RABL2A: variants seen among roughly 807,000 people sequenced by gnomAD.
RABL2A encodes RAB, member of RAS oncogene family like 2A, also known as rab-like protein 2A.
In RABL2A, 17 loss-of-function variants were observed where a neutral mutation model predicts 30.7. The ratio of observed to expected loss-of-function variants is 0.55; its 90% confidence interval spans 0.38 to 0.83. RABL2A has a LOEUF of 0.83. RABL2A is among the 40% of genes least tolerant of loss of function. The pLI, the probability that RABL2A is intolerant of heterozygous loss-of-function variation, is 0.00. For synonymous variants in RABL2A, 64 were observed against 101.8 expected, an observed-to-expected ratio of 0.63 and a Z score of 2.24; for missense variants, 155 against 272.6, an observed-to-expected ratio of 0.57 and a Z score of 3.04.
intron 2 of RABL2A, among the ~76,000 whole-genome samples, chr2:113,630,387 A>T (rs529255905): frequency 5.9e-5 from 9 of 152,204 alleles, no homozygotes; most frequent in Non-Finnish European, 1.2e-4. Context: ...GGGCTAAAAC[A>T]CCCATTAAGA....
At chr2:113,640,289 C>G (rs1378336243) in intron 5 of RABL2A, 2 of 153,520 alleles carry the variant, frequency 1.3e-5, no homozygotes, top group African/African-American at 4.8e-5. Flanking sequence ...TTCTAACAGA[C>G]TGCATCAATT....
chr2:113,639,871 C>CCAG (rs61692551), intron 5 of RABL2A: 1 of 137,956 alleles, frequency 7.2e-6, no homozygotes, highest in Non-Finnish European at 1.6e-5. Flanking sequence ...AAAAAAAAAT[C>CCAG]GGGCAGTTGT....
intron 2 of RABL2A, among the ~76,000 whole-genome samples, chr2:113,629,579 G>A (rs1387854551): frequency 1.3e-5 from 2 of 150,846 alleles, no homozygotes; most frequent in Non-Finnish European, 2.9e-5. Context: ...CTGTCCCCCA[G>A]GCTGGAGTGC....
chr2:113,632,518 G>A (rs1332193947), intron 2 of RABL2A, among the ~76,000 whole-genome samples: 1 of 152,150 alleles, frequency 6.6e-6, no homozygotes, highest in Non-Finnish European at 1.5e-5. Context: ...GGCTGCTCTC[G>A]GCCTCCCAAA....
intron 7 of RABL2A, 120 bp downstream of exon 7, chr2:113,641,570 G>T (rs1685185864): frequency 1.9e-6 from 3 of 1,605,036 alleles, no homozygotes; most frequent in Non-Finnish European, 2.6e-6. Context: ...ATGGGCCTGG[G>T]TGGCAGGGAG....
chr2:113,629,289 G>A (rs1679331071), intron 2 of RABL2A, among the ~76,000 whole-genome samples: 2 of 152,274 alleles, frequency 1.3e-5, no homozygotes, highest in South Asian at 2.1e-4. Context: ...GTCCATTTCC[G>A]CCTTCATAGC....
In RABL2A at chr2:113,631,348, C is replaced by T. The variant is rs76903948; in HGVS notation, c.108-1567C>T. The stretch of plus-strand genomic sequence containing the variant: ...TTGTGCAAAGAGGGCAAAGGCACAC[C>T]CCCCCCACCCAAAACTAAGGCCACA... On this transcript the variant is annotated intron_variant, in intron 2 of 8. Coordinates refer to ENST00000683472, the MANE Select transcript of RABL2A (RefSeq NM_001306158.2). 5.6e-3 allele frequency among the ~76,000 whole-genome samples: 847 copies of T among 151,942 alleles called. 8 individuals carry two copies. The highest frequency in any genetic ancestry group is 0.019 in the African/African-American group (785 of 41,392).
At chr2:113,639,494 C>A (rs1265133584) in intron 5 of RABL2A, among the ~76,000 whole-genome samples, 9 of 151,336 alleles carry the variant, frequency 5.9e-5, no homozygotes, top group African/African-American at 2.2e-4. Flanking sequence ...TGGTGGTGCG[C>A]ACCTGTAATC....
chr2:113,631,051 C>G (rs1385542463), intron 2 of RABL2A, among the ~76,000 whole-genome samples: 2 of 152,028 alleles, frequency 1.3e-5, no homozygotes, highest in Non-Finnish European at 2.9e-5. Context: ...GCATGCGCCA[C>G]CATGCCTAGC....
chr2:113,629,930 C>A (rs546322505), intron 2 of RABL2A, among the ~76,000 whole-genome samples: 1 of 152,130 alleles, frequency 6.6e-6, no homozygotes, highest in African/African-American at 2.4e-5. Context: ...GGGAAGGTTA[C>A]CCAATAAATA....
At chr2:113,628,908 A>G (rs1172952616) in intron 2 of RABL2A, among the ~76,000 whole-genome samples, 195 bp downstream of exon 2, 34 of 152,052 alleles carry the variant, frequency 2.2e-4, no homozygotes, top group African/African-American at 6.8e-4. Context: ...GGCAGGTCAT[A>G]AGGACTGAGG....
rs201528381 is a variant in RABL2A, at chr2:113,635,063, CG to C, written c.232del (p.Ala78GlnfsTer35). On this transcript the variant is annotated frameshift_variant, in exon 5 of 9. Transcript: ENST00000683472. LOFTEE classifies it high-confidence loss of function. ...GTTCACATTGCAGACTTTTGGGACA[CG>C]GCAGGCCAGGAGCGGTTCCAGAGCA... Reference protein sequence around the residue: ...GKTILVDFWDTAGQERFQSMH... With the variant: ...GKTILVDFWDXAGQERFQSMH... 0.023 allele frequency: 36,726 copies of C among 1,614,146 alleles called. 1,074 individuals are homozygous for C. The highest frequency in any genetic ancestry group is 0.14 in the East Asian group (6,256 of 44,868).
chr2:113,634,541 G>A (rs1395542323), intron 4 of RABL2A: 1 of 474,434 alleles, frequency 2.1e-6, no homozygotes, highest in Non-Finnish European at 3.8e-6. Flanking sequence ...CCTTCGACGA[G>A]GCAGTAGTTT....
chr2:113,631,811 T>TCTGAGCATGTGC (rs948099371), intron 2 of RABL2A, among the ~76,000 whole-genome samples: 2 of 151,904 alleles, frequency 1.3e-5, no homozygotes, highest in African/African-American at 4.8e-5. Context: ...TCCTGCACTT[T>TCTGAGCATGTGC]CTGAGCATGT....
intron 5 of RABL2A, chr2:113,637,638 G>A (rs1182824091): frequency 3.7e-5 from 46 of 1,230,450 alleles, no homozygotes; most frequent in Non-Finnish European, 4.4e-5. Flanking sequence ...CTTTAACTCT[G>A]ATAACTGTTA....
intron 4 of RABL2A, chr2:113,634,626 C>A (rs1329644070): frequency 2.5e-6 from 1 of 407,030 alleles, no homozygotes; most frequent in Non-Finnish European, 4.6e-6. Flanking sequence ...CCACATCGGG[C>A]TGCGACCTTC....
At position 113,637,542 on chromosome 2, in the gene RABL2A, C is replaced by G. The variant is rs529168131; in HGVS notation, c.297+2412C>G. 4.2e-3 allele frequency: 5,020 copies of G among 1,201,948 alleles called. 15 individuals carry two copies. The highest frequency in any genetic ancestry group is 6.6e-3 in the Middle Eastern group (17 of 2,590). 74.5% of individuals were successfully genotyped at this position (1,201,948 alleles called of 1,614,324 possible). On this transcript the variant is annotated intron_variant, in intron 5 of 8. Transcript: ENST00000683472. ...ACAGTGAGGATTCTTCCCTTCTGAC[C>G]CTTTGCAGATGGTAAAGGAAGGAAC...
intron 5 of RABL2A, among the ~76,000 whole-genome samples, chr2:113,636,998 A>T (rs1383461738): frequency 8.0e-5 from 7 of 87,504 alleles, no homozygotes; most frequent in African/African-American, 4.3e-4. Context: ...CAAAAAAAAT[A>T]AAAAAATAAA....
chr2:113,635,629 C>T (rs546105551), intron 5 of RABL2A: 48 of 198,106 alleles, frequency 2.4e-4, no homozygotes, highest in Admixed American at 4.7e-4. Flanking sequence ...CCTGGTGACC[C>T]GGGTGTGGTG....
Sources: gnomAD v4.1 joint callset for allele counts (sites outside exome capture counted in the v4.1 genomes callset) on GRCh38, gnomAD v4.1.1 for gene constraint, MANE v1.5 for transcripts, NCBI Gene and HGNC (gene_info 2026-07-23, HGNC 2026-07-21) for gene names.